Variants in CSMD1 observed in about 807,000 individuals in gnomAD.
The protein encoded by CSMD1 is CUB and sushi domain-containing protein 1.
In CSMD1, 213 loss-of-function variants were observed where a neutral mutation model predicts 417.5. That is an observed-to-expected ratio of 0.51 (90% CI 0.46 to 0.57). The LOEUF (loss-of-function observed/expected upper bound fraction) is 0.57. Ranked by LOEUF, CSMD1 falls within the 20% of genes least tolerant of loss-of-function variation. The probability of loss-of-function intolerance (pLI) is 0.00; values close to 1 mark genes in which losing one functional copy is unlikely to be tolerated. For synonymous variants in CSMD1, 2,862 were observed against 1,736.8 expected, an observed-to-expected ratio of 1.65 and a Z score of -16.11; for missense variants, 6,923 against 4,529.7, an observed-to-expected ratio of 1.53 and a Z score of -15.17.
At chr8:2,994,267 A>T (rs1806678274) in intron 54 of CSMD1, among the ~76,000 whole-genome samples, 1 of 152,044 alleles carries the variant, frequency 6.6e-6, no homozygotes, top group African/African-American at 2.4e-5. Flanking sequence ...CCTCGTGTGT[A>T]CTGATTGCTG....
At chr8:3,509,710 G>A (rs563291769) in intron 10 of CSMD1, among the ~76,000 whole-genome samples, 1 of 152,112 alleles carries the variant, frequency 6.6e-6, no homozygotes, top group African/African-American at 2.4e-5. Flanking sequence ...AGGGCTATTT[G>A]CTTCCTATTA....
intron 4 of CSMD1, among the ~76,000 whole-genome samples, chr8:4,016,121 A>C (rs1023384413): frequency 6.6e-6 from 1 of 152,164 alleles, no homozygotes; most frequent in Admixed American, 6.5e-5. Flanking sequence ...GATCATATAA[A>C]AGTTCATATA....
chr8:4,464,646 T>C lies in CSMD1; in HGVS notation c.303-44581A>G, dbSNP rs185248646. Among the ~76,000 whole-genome samples, 9 of 152,248 alleles carry C rather than the reference T, an allele frequency of 5.9e-5. No homozygotes were observed. In the East Asian group the frequency reaches 1.2e-3, roughly 20 times the overall value. ...AGGGTAAGAGTCCCAAGTTGAACCA[T>C]GGTAAGTCAGGGGCCGCCTGTAGTC... On this transcript the variant is annotated intron_variant, in intron 2 of 69. Coordinates refer to ENST00000635120, the MANE Select transcript of CSMD1 (RefSeq NM_033225.6).
At chr8:4,101,316 C>T (rs911601338) in intron 3 of CSMD1, among the ~76,000 whole-genome samples, 1 of 152,168 alleles carries the variant, frequency 6.6e-6, no homozygotes, top group Non-Finnish European at 1.5e-5. Flanking sequence ...ACTTGAACAG[C>T]TGTGGAAGGA....
chr8:4,574,218 G>A (rs772615982), intron 2 of CSMD1, among the ~76,000 whole-genome samples: 11 of 152,094 alleles, frequency 7.2e-5, no homozygotes, highest in South Asian at 2.1e-4. Context: ...AACAGCTGCC[G>A]AGTTTTTTCC....
intron 1 of CSMD1, among the ~76,000 whole-genome samples, chr8:4,918,466 C>G (rs113803647): frequency 6.6e-6 from 1 of 152,064 alleles, no homozygotes; most frequent in Non-Finnish European, 1.5e-5. Flanking sequence ...TACCCATTTT[C>G]TAACTTTCTG....
intron 3 of CSMD1, among the ~76,000 whole-genome samples, chr8:4,222,979 C>G (rs542276738): frequency 1.3e-5 from 2 of 152,040 alleles, no homozygotes; most frequent in Admixed American, 1.3e-4. Context: ...CTTTGAGAAG[C>G]TGAAGTTAGA....
At chr8:3,824,510 C>G (rs1269272082) in intron 5 of CSMD1, among the ~76,000 whole-genome samples, 1 of 152,152 alleles carries the variant, frequency 6.6e-6, no homozygotes, top group Admixed American at 6.5e-5. Context: ...TAAGCAGCCA[C>G]GACACACTTA....
At chr8:3,576,636 T>A (rs1023414723) in intron 9 of CSMD1, among the ~76,000 whole-genome samples, 6 of 152,304 alleles carry the variant, frequency 3.9e-5, no homozygotes, top group Non-Finnish European at 8.8e-5. Flanking sequence ...GGGTAAAACA[T>A]AACTGGGTTT....
chr8:4,882,137 G>A (rs1040171425), intron 1 of CSMD1, among the ~76,000 whole-genome samples: 2 of 152,034 alleles, frequency 1.3e-5, no homozygotes, highest in Non-Finnish European at 2.9e-5. Flanking sequence ...GGCTGATGAA[G>A]CACATGTAGT....
At chr8:3,610,435 C>G (rs962222943) in intron 8 of CSMD1, among the ~76,000 whole-genome samples, 1 of 148,770 alleles carries the variant, frequency 6.7e-6, no homozygotes, top group Admixed American at 6.7e-5. Context: ...CACAGGAGAT[C>G]GAAGTGGGAC....
intron 1 of CSMD1, among the ~76,000 whole-genome samples, chr8:4,958,381 C>T (rs768333433): frequency 2.0e-5 from 3 of 152,016 alleles, no homozygotes; most frequent in Non-Finnish European, 4.4e-5. Context: ...TATTTTAAAA[C>T]AATTTTTAAG....
rs776189953 is a variant in CSMD1, at chr8:3,029,360, T to C, written c.7814A>G (p.Asn2605Ser). 5 of 1,611,110 alleles carry C rather than the reference T, an allele frequency of 3.1e-6. No homozygotes were observed. Among genetic ancestry groups the C allele is most frequent in the African/African-American group, 1.4e-5 (1 of 73,970 alleles). Residue 2605 changes from asparagine to serine, a missense_variant, in exon 51 of 70, where the codon AAT (asparagine) becomes AGT (serine). Asn to Ser is a conservative substitution (Grantham distance 46, BLOSUM62 1). Transcript: ENST00000635120. ...CTCATCTCCTATGTTCCACGTCCCATTGGCCTGGCACCGCAGGAGCCTCCA... is the reference window on the plus strand; with the variant it reads ...CTCATCTCCTATGTTCCACGTCCCACTGGCCTGGCACCGCAGGAGCCTCCA... ...EGWRLLRCQA[N>S]GTWNIGDERP... is the part of the protein sequence containing the mutation.
intron 7 of CSMD1, among the ~76,000 whole-genome samples, chr8:3,672,442 G>C (rs1024129989): frequency 1.1e-4 from 16 of 152,126 alleles, no homozygotes; most frequent in African/African-American, 3.4e-4. Context: ...ATCAGAGTGT[G>C]GGAGCTGACT....
At chr8:4,649,340 A>G (rs1803736127) in intron 1 of CSMD1, among the ~76,000 whole-genome samples, 1 of 152,178 alleles carries the variant, frequency 6.6e-6, no homozygotes, top group Non-Finnish European at 1.5e-5. Context: ...TTGACAGAGT[A>G]CCTATTATAA....
At chr8:3,954,316 C>G (rs2688334) in intron 5 of CSMD1, among the ~76,000 whole-genome samples, 12 of 152,040 alleles carry the variant, frequency 7.9e-5, no homozygotes, top group Non-Finnish European at 1.5e-4. Context: ...GGCATGCACG[C>G]GAAGGCTGAA....
At chr8:3,797,372 A>G (rs115878990) in intron 5 of CSMD1, among the ~76,000 whole-genome samples, 3 of 151,998 alleles carry the variant, frequency 2.0e-5, no homozygotes, top group Non-Finnish European at 4.4e-5. Context: ...CACACCCCGG[A>G]TGCAGGCATA....
At chr8:4,322,446 G>C (rs1799324109) in intron 3 of CSMD1, among the ~76,000 whole-genome samples, 2 of 152,132 alleles carry the variant, frequency 1.3e-5, no homozygotes, top group African/African-American at 4.8e-5. Context: ...TATCATAAGA[G>C]TAGGAAAAAC....
At chr8:4,814,437 C>T (rs535175897) in intron 1 of CSMD1, among the ~76,000 whole-genome samples, 7 of 152,224 alleles carry the variant, frequency 4.6e-5, no homozygotes, top group South Asian at 2.1e-4. Context: ...AGTAGAAACA[C>T]GGTTTCACCA....
Sources: allele counts gnomAD v4.1 joint callset (sites outside exome capture counted in the v4.1 genomes callset), GRCh38; gene constraint gnomAD v4.1.1; transcripts MANE v1.5; gene names NCBI Gene and HGNC (gene_info 2026-07-23, HGNC 2026-07-21).